Variants in PLPP1 observed in about 807,000 individuals in gnomAD.
PLPP1 encodes the protein lipid phosphate phosphohydrolase 1a.
PLPP1 carries 24 observed loss-of-function variants against 31.2 expected under a neutral mutation model. The ratio of observed to expected loss-of-function variants is 0.77; its 90% CI spans 0.56 to 1.08. The LOEUF (loss-of-function observed/expected upper bound fraction) is 1.08. Ranked by LOEUF, PLPP1 falls within the 50% of genes least tolerant of loss-of-function variation. PLPP1 has a pLI of 0.00. For missense variants in PLPP1, 319 were observed against 342.7 expected, an observed-to-expected ratio of 0.93 and a Z score of 0.55; for synonymous variants, 146 against 126.3, an observed-to-expected ratio of 1.16 and a Z score of -1.05.
intron 4 of PLPP1, among the ~76,000 whole-genome samples, chr5:55,437,509 T>C (rs1168431477): frequency 6.6e-6 from 1 of 151,844 alleles, no homozygotes; most frequent in Non-Finnish European, 1.5e-5. Flanking sequence ...AAATATTTAT[T>C]ATCTGACCTT....
At chr5:55,437,169 A>C (rs1751511494) in intron 4 of PLPP1, among the ~76,000 whole-genome samples, 1 of 152,220 alleles carries the variant, frequency 6.6e-6, no homozygotes, top group African/African-American at 2.4e-5. Context: ...AAGGATATAT[A>C]ACCATTTTTG....
At chr5:55,525,414 G>A (rs1753759313) in intron 1 of PLPP1, among the ~76,000 whole-genome samples, 1 of 152,184 alleles carries the variant, frequency 6.6e-6, no homozygotes, top group African/African-American at 2.4e-5. Flanking sequence ...TCCATCACTA[G>A]ACTATGCTGC....
At chr5:55,529,076 T>C (rs1391799039) in intron 1 of PLPP1, among the ~76,000 whole-genome samples, 4 of 151,982 alleles carry the variant, frequency 2.6e-5, no homozygotes, top group Non-Finnish European at 4.4e-5. Flanking sequence ...ATTTCTAAGG[T>C]GTAATAGCAG....
At chr5:55,518,105 T>C (rs773480346) in intron 1 of PLPP1, among the ~76,000 whole-genome samples, 1 of 152,148 alleles carries the variant, frequency 6.6e-6, no homozygotes, top group Non-Finnish European at 1.5e-5. Context: ...AGTGCTGGGA[T>C]TACAGTCATG....
chr5:55,490,243 T>G (rs1752861013), intron 1 of PLPP1, among the ~76,000 whole-genome samples: 1 of 148,656 alleles, frequency 6.7e-6, no homozygotes, highest in East Asian at 2.0e-4. Flanking sequence ...CTCCATCTCC[T>G]GGGTTCAAGC....
intron 1 of PLPP1, among the ~76,000 whole-genome samples, chr5:55,513,519 G>A (rs967358949): frequency 1.3e-5 from 2 of 151,846 alleles, no homozygotes; most frequent in Admixed American, 6.6e-5. Flanking sequence ...TGATCCGCCC[G>A]CCTTGGCCTC....
intron 1 of PLPP1, among the ~76,000 whole-genome samples, chr5:55,523,310 A>T (rs1579985337): frequency 6.6e-6 from 1 of 152,194 alleles, no homozygotes; most frequent in East Asian, 1.9e-4. Context: ...CTGTACTATC[A>T]AATACTAGAT....
chr5:55,491,488 CTG>C (rs1286133666), intron 1 of PLPP1, among the ~76,000 whole-genome samples: 1 of 152,080 alleles, frequency 6.6e-6, no homozygotes, highest in Non-Finnish European at 1.5e-5. Context: ...TTACATTAAA[CTG>C]TGTTTAAGAA....
Position 55,467,954 on chromosome 5 carries a change from G to T in PLPP1, c.406C>A (p.Pro136Thr). Residue 136 changes from proline (P) to threonine (T), a missense_variant, in exon 3 of 6, where the codon CCA (proline) becomes ACA (threonine). Transcript: ENST00000307259. ...LRPHFLDVCDPDWSKINCSDG... is the reference protein window; with the variant it reads ...LRPHFLDVCDTDWSKINCSDG... ...CTGCAGTTGATTTTTGACCAATCTGGATCACAAACATCCAAGAAGTGAGGC... is the reference window on the plus strand; with the variant it reads ...CTGCAGTTGATTTTTGACCAATCTGTATCACAAACATCCAAGAAGTGAGGC... 6.2e-7 allele frequency: 1 copy of T among 1,614,116 alleles called. No homozygotes were observed. Among genetic ancestry groups the T allele is most frequent in the Non-Finnish European group, 8.5e-7 (1 of 1,179,996 alleles).
intron 1 of PLPP1, among the ~76,000 whole-genome samples, chr5:55,483,792 C>T (rs1356957504): frequency 2.0e-5 from 3 of 151,880 alleles, no homozygotes; most frequent in Non-Finnish European, 4.4e-5. Context: ...TAACAATCCA[C>T]ATCCCAGAGT....
intron 1 of PLPP1, among the ~76,000 whole-genome samples, chr5:55,511,699 T>C (rs1404772543): frequency 7.3e-6 from 1 of 137,554 alleles, no homozygotes; most frequent in Non-Finnish European, 1.5e-5. Context: ...AGTCTAGCTG[T>C]GTCGCCCAGG....
Position 55,534,925 on chromosome 5 carries a change from G to A in PLPP1, c.-296C>T, listed in dbSNP as rs1740833689. 1 of 411,434 alleles carries A rather than the reference G, an allele frequency of 2.4e-6. No individual in the cohort carries two copies. The highest frequency in any genetic ancestry group is 4.4e-5 in the East Asian group (1 of 22,772). The allele number at this position is 411,434 out of a possible 1,614,324, so 25.5% of individuals were successfully genotyped here. A position where few individuals can be genotyped will look rare whatever the true frequency, so the allele number is the denominator to read the frequency against. On this transcript the variant is annotated 5_prime_UTR_variant, in exon 1 of 6. Transcript: ENST00000307259. ...AGGACCTCCTCAGCCGGCACGGCCT[G>A]CCCCGGTTGCTCCCCGTCCGGATCC...
chr5:55,482,042 T>TATA, intron 1 of PLPP1, among the ~76,000 whole-genome samples: 1 of 147,926 alleles, frequency 6.8e-6, no homozygotes, highest in South Asian at 2.1e-4. Context: ...TATTTATTTA[T>TATA]ATAAGATACA....
chr5:55,473,137 C>A (rs530441850), intron 2 of PLPP1, among the ~76,000 whole-genome samples: 1 of 152,120 alleles, frequency 6.6e-6, no homozygotes, highest in Admixed American at 6.5e-5. Flanking sequence ...AACATACATA[C>A]TTTTTAAAAA....
At chr5:55,467,826 A>T (rs1244486936) in intron 3 of PLPP1, 43 bp downstream of exon 3, 1 of 1,541,092 alleles carries the variant, frequency 6.5e-7, no homozygotes. Context: ...TTCTATTCCA[A>T]GAATATACAA....
intron 4 of PLPP1, among the ~76,000 whole-genome samples, chr5:55,435,008 G>A (rs1751459824): frequency 6.6e-6 from 1 of 152,142 alleles, no homozygotes; most frequent in Non-Finnish European, 1.5e-5. Flanking sequence ...ATCCAGCAAG[G>A]AGCCAATATC....
intron 1 of PLPP1, among the ~76,000 whole-genome samples, chr5:55,481,593 G>GA (rs1447757988): frequency 1.3e-5 from 2 of 151,980 alleles, no homozygotes; most frequent in Non-Finnish European, 2.9e-5. Context: ...TAGTTTGGAA[G>GA]AAAAAAAGAC....
At chr5:55,472,328 C>G (rs1259464892) in intron 2 of PLPP1, among the ~76,000 whole-genome samples, 4 of 152,012 alleles carry the variant, frequency 2.6e-5, no homozygotes, top group Non-Finnish European at 5.9e-5. Flanking sequence ...ATAGGCCGGG[C>G]GCAGTGGCTC....
At chr5:55,474,229 T>C (rs1350155692) in intron 2 of PLPP1, among the ~76,000 whole-genome samples, 1 of 152,056 alleles carries the variant, frequency 6.6e-6, no homozygotes, top group Non-Finnish European at 1.5e-5. Flanking sequence ...ACTCCTGATC[T>C]CAGGTGATCT....
Sources: gnomAD v4.1 joint callset for allele counts (sites outside exome capture counted in the v4.1 genomes callset) on GRCh38, gnomAD v4.1.1 for gene constraint, MANE v1.5 for transcripts, NCBI Gene and HGNC (gene_info 2026-07-23, HGNC 2026-07-21) for gene names.